The following CMSS1 variants were observed in gnomAD, a reference collection of about 807,000 sequenced individuals.
CMSS1 encodes the protein protein CMSS1.
Under a neutral mutation model 43.5 loss-of-function variants are expected in CMSS1, and 33 were observed. The observed-to-expected ratio is 0.76, with a 90% CI of 0.57 to 1.01. CMSS1 has a LOEUF of 1.01. Ranked by LOEUF, CMSS1 falls within the 50% of genes least tolerant of loss-of-function variation. The pLI is 0.00. For synonymous variants in CMSS1, 115 were observed against 117.2 expected (o/e 0.98, Z 0.12); for missense variants, 313 against 326.4 (o/e 0.96, Z 0.32).
intron 2 of CMSS1, among the ~76,000 whole-genome samples, chr3:100,149,146 T>A (rs1351562166): frequency 6.6e-6 from 1 of 152,214 alleles, no homozygotes; most frequent in African/African-American, 2.4e-5. Context: ...TGTTCCTTGC[T>A]CTTTCTGGAC....
chr3:99,929,808 C>T lies in CMSS1; in HGVS notation c.64+111765C>T, dbSNP rs143971239. ...TTACAGATCATGCTCATCTGCAGGG[C>T]TAGTGCTTGGCTGCCTCCCAGGTAC... On this transcript the variant is annotated intron_variant, in intron 1 of 9. Transcript: ENST00000421999. The T allele has an allele frequency of 5.0e-6, 7 of 1,409,832 alleles. No homozygotes were observed. In the African/African-American group the frequency reaches 1.0e-4, roughly 20 times the overall value. 87.3% of individuals were successfully genotyped at this position (1,409,832 alleles called of 1,614,324 possible). A position where few individuals can be genotyped will look rare whatever the true frequency, so the allele number is the denominator to read the frequency against.
At chr3:99,973,295 A>G (rs2107720922) in intron 1 of CMSS1, among the ~76,000 whole-genome samples, 1 of 152,310 alleles carries the variant, frequency 6.6e-6, no homozygotes, top group Admixed American at 6.5e-5. Context: ...TTCATTTGAG[A>G]ATACATGTTA....
chr3:100,097,500 G>A (rs1025368744), intron 1 of CMSS1, among the ~76,000 whole-genome samples: 19 of 152,114 alleles, frequency 1.2e-4, no homozygotes, highest in African/African-American at 4.3e-4. Flanking sequence ...TCTAATCCAC[G>A]AACACAGTAT....
chr3:100,177,780 G>A (rs1006303225), intron 9 of CMSS1, among the ~76,000 whole-genome samples: 3 of 152,058 alleles, frequency 2.0e-5, no homozygotes, highest in Non-Finnish European at 2.9e-5. Context: ...CCAGGAGTTC[G>A]AGACCCGCCT....
At chr3:99,843,943 C>G (rs1943248206) in intron 1 of CMSS1, among the ~76,000 whole-genome samples, 2 of 152,200 alleles carry the variant, frequency 1.3e-5, no homozygotes, top group South Asian at 4.1e-4. Context: ...GAGACTCTAG[C>G]TAATGCCTAA....
chr3:100,167,813 CG>C lies in CMSS1; in HGVS notation c.493del (p.Ala165ProfsTer11). On this transcript the variant is annotated frameshift_variant, in exon 6 of 10. Coordinates refer to ENST00000421999, the MANE Select transcript of CMSS1 (RefSeq NM_032359.4). LOFTEE classifies it high-confidence loss of function. ...GTCCTGATGCTGATCATCTGCAGCTCGGCCGTCCGAGCCCTGGAGCTCATTA... is the reference window on the plus strand; with the variant it reads ...GTCCTGATGCTGATCATCTGCAGCTCGCCGTCCGAGCCCTGGAGCTCATTA... The part of the protein sequence containing the change: ...KSVLMLIICS[S>X]AVRALELIRS... The C allele has an allele frequency of 6.2e-7, 1 of 1,612,940 alleles. No homozygotes were observed. Among genetic ancestry groups the C allele is most frequent in the Non-Finnish European group, 8.5e-7 (1 of 1,179,552 alleles).
chr3:100,180,472 G>T lies in CMSS1; in HGVS notation c.*2084G>T, dbSNP rs556898702. 6.6e-6 allele frequency: 1 copy of T among 152,152 alleles called. No homozygotes were observed. Among genetic ancestry groups the T allele is most frequent in the Admixed American group, 6.5e-5 (1 of 15,272 alleles). The allele number at this position is 152,152 out of a possible 1,614,324, so 9.4% of individuals were successfully genotyped here. A position where few individuals can be genotyped will look rare whatever the true frequency, so the allele number is the denominator to read the frequency against. ...ACTTTGCTGCTTAGAAATTTCTGCCGGATACCCTAAGTCATCTCTCCCAAG... is the reference window on the plus strand; with the variant it reads ...ACTTTGCTGCTTAGAAATTTCTGCCTGATACCCTAAGTCATCTCTCCCAAG... On this transcript the variant is annotated 3_prime_UTR_variant, in exon 10 of 10. Coordinates refer to ENST00000421999, the MANE Select transcript of CMSS1 (RefSeq NM_032359.4).
At chr3:100,015,107 A>G (rs1053114346) in intron 1 of CMSS1, among the ~76,000 whole-genome samples, 1 of 151,132 alleles carries the variant, frequency 6.6e-6, no homozygotes, top group African/African-American at 2.4e-5. Flanking sequence ...ATTCTTCCTC[A>G]TGTAGATATC....
chr3:100,058,616 C>T lies in CMSS1; in HGVS notation c.65-88357C>T, dbSNP rs74599673. On this transcript the variant is annotated intron_variant, in intron 1 of 9. Transcript: ENST00000421999. ...GTGGACAAAGAGAAAAGTTTCTCTC[C>T]GCTTTTTTTCTCCTCTAAATTCCCA... is the stretch of plus-strand genomic sequence containing the variant. 3.2e-3 allele frequency among the ~76,000 whole-genome samples: 483 copies of T among 152,310 alleles called. 1 individual carries two copies. Among genetic ancestry groups the T allele is most frequent in the Middle Eastern group, 0.014 (4 of 294 alleles).
chr3:99,894,439 CT>C (rs1706185855), intron 1 of CMSS1, among the ~76,000 whole-genome samples: 2 of 152,168 alleles, frequency 1.3e-5, no homozygotes, highest in Non-Finnish European at 2.9e-5. Context: ...CTTGTTTCCA[CT>C]TTTAGTTGTC....
chr3:100,010,628 T>A (rs1013274532), intron 1 of CMSS1, among the ~76,000 whole-genome samples: 1 of 151,410 alleles, frequency 6.6e-6, no homozygotes. Context: ...TTTTTTTTGT[T>A]TTTGGAGATG....
At chr3:100,004,603 A>G (rs575899237) in intron 1 of CMSS1, among the ~76,000 whole-genome samples, 4 of 152,324 alleles carry the variant, frequency 2.6e-5, no homozygotes, top group African/African-American at 9.6e-5. Flanking sequence ...AAGAAACATC[A>G]TCATCATCAG....
At chr3:99,831,255 T>C (rs1293194715) in intron 1 of CMSS1, among the ~76,000 whole-genome samples, 1 of 152,248 alleles carries the variant, frequency 6.6e-6, no homozygotes, top group Non-Finnish European at 1.5e-5. Flanking sequence ...GGAAAACGTT[T>C]ACTTAGATAT....
At chr3:99,950,565 A>T (rs764203692) in intron 1 of CMSS1, among the ~76,000 whole-genome samples, 1 of 152,062 alleles carries the variant, frequency 6.6e-6, no homozygotes, top group Non-Finnish European at 1.5e-5. Context: ...CATTCATCGG[A>T]TAGTATACTT....
intron 1 of CMSS1, among the ~76,000 whole-genome samples, chr3:100,035,280 T>G (rs564630294): frequency 2.0e-5 from 3 of 152,248 alleles, no homozygotes; most frequent in East Asian, 3.9e-4. Flanking sequence ...ATTAGTATTA[T>G]TATTATTATT....
intron 2 of CMSS1, among the ~76,000 whole-genome samples, chr3:100,148,983 C>G (rs951696139): frequency 4.6e-5 from 7 of 152,166 alleles, no homozygotes; most frequent in African/African-American, 1.7e-4. Context: ...TTAATTTTTC[C>G]CTAGCTTATC....
chr3:100,003,989 T>C (rs992093951), intron 1 of CMSS1, among the ~76,000 whole-genome samples: 8 of 152,300 alleles, frequency 5.3e-5, no homozygotes, highest in African/African-American at 1.4e-4. Flanking sequence ...ACGGTGTATA[T>C]TGATTTTTCT....
At position 100,166,380 on chromosome 3, in the gene CMSS1, C is replaced by T; in HGVS notation, c.401C>T (p.Ser134Leu). ...KANDLTHSLS[S>L]YLKEICPKWV... ...AATGATTTGACTCACAGTCTTTCCT[C>T]ATACCTAAAAGAAAGTAAGTAAACT... is the stretch of plus-strand genomic sequence containing the variant. Residue 134 changes from serine (S) to leucine (L), a missense_variant, in exon 5 of 10, where the codon TCA (serine) becomes TTA (leucine). Coordinates refer to ENST00000421999, the MANE Select transcript of CMSS1 (RefSeq NM_032359.4). 1.3e-6 allele frequency: 2 copies of T among 1,587,706 alleles called. No homozygotes were observed. Among genetic ancestry groups the T allele is most frequent in the South Asian group, 1.1e-5 (1 of 90,540 alleles).
intron 1 of CMSS1, among the ~76,000 whole-genome samples, chr3:99,935,636 C>T (rs949089282): frequency 6.6e-6 from 1 of 152,206 alleles, no homozygotes; most frequent in Non-Finnish European, 1.5e-5. Flanking sequence ...CCTGATGGAT[C>T]CCGTGATAGC....
Sources: allele counts gnomAD v4.1 joint callset (sites outside exome capture counted in the v4.1 genomes callset), GRCh38; gene constraint gnomAD v4.1.1; transcripts MANE v1.5; gene names NCBI Gene and HGNC (gene_info 2026-07-23, HGNC 2026-07-21).